SPAG16: variants seen among roughly 807,000 people sequenced by gnomAD.
The protein encoded by SPAG16 is sperm-associated antigen 16 protein.
Under a neutral mutation model 80.4 loss-of-function variants are expected in SPAG16, and 86 were observed. The ratio of observed to expected loss-of-function variants is 1.07; its 90% confidence interval spans 0.90 to 1.28. SPAG16 has a LOEUF of 1.28. Among genes scored for constraint, SPAG16 ranks in the 50% most tolerant of loss-of-function variants. The pLI is 0.00. For missense variants in SPAG16, 870 were observed against 765.3 expected, an observed-to-expected ratio of 1.14 and a Z score of -1.61; for synonymous variants, 294 against 265.9, an observed-to-expected ratio of 1.11 and a Z score of -1.03.
intron 15 of SPAG16, among the ~76,000 whole-genome samples, chr2:214,177,946 T>TATATATA (rs2057163844): frequency 9.0e-6 from 1 of 110,970 alleles, no homozygotes; most frequent in African/African-American, 3.6e-5. Context: ...GCCAGAATTG[T>TATATATA]TATATCTAAC....
intron 11 of SPAG16, among the ~76,000 whole-genome samples, chr2:213,920,676 C>G (rs1559589452): frequency 6.6e-6 from 1 of 152,184 alleles, no homozygotes; most frequent in Non-Finnish European, 1.5e-5. Context: ...AAGAGGCCAG[C>G]AGACCAAGGG....
At chr2:213,359,731 G>C (rs1006134132) in intron 7 of SPAG16, among the ~76,000 whole-genome samples, 2 of 152,222 alleles carry the variant, frequency 1.3e-5, no homozygotes, top group East Asian at 1.9e-4. Context: ...TTGCACTCCT[G>C]GGTGAGGCAA....
intron 15 of SPAG16, among the ~76,000 whole-genome samples, chr2:214,402,843 G>A (rs1427649847): frequency 2.0e-5 from 3 of 151,800 alleles, no homozygotes; most frequent in Non-Finnish European, 2.9e-5. Context: ...CCACTAGGGC[G>A]ACCATGAATA....
At chr2:214,049,664 T>C (rs570364124) in intron 13 of SPAG16, among the ~76,000 whole-genome samples, 12 of 152,326 alleles carry the variant, frequency 7.9e-5, no homozygotes, top group African/African-American at 2.9e-4. Context: ...GTGCATTCAG[T>C]GGGCTCCATG....
At chr2:214,214,611 A>G (rs2058381809) in intron 15 of SPAG16, among the ~76,000 whole-genome samples, 3 of 152,016 alleles carry the variant, frequency 2.0e-5, no homozygotes, top group Non-Finnish European at 4.4e-5. Flanking sequence ...CCCATCTCCA[A>G]ATGATGTACT....
rs114988946 is a variant in SPAG16, at chr2:213,743,330, T to C, written c.1071-119155T>C. 5.7e-3 allele frequency among the ~76,000 whole-genome samples: 874 copies of C among 152,314 alleles called. 9 individuals are homozygous for C. Among genetic ancestry groups the C allele is most frequent in the African/African-American group, 0.019 (785 of 41,572 alleles). The stretch of plus-strand genomic sequence containing the variant: ...TGCTTAGAACAATGCCTGGCCCCTA[T>C]AGGAAGCACCAATTATATATTTATT... On this transcript the variant is annotated intron_variant, in intron 10 of 15. Coordinates refer to ENST00000331683, the MANE Select transcript of SPAG16 (RefSeq NM_024532.5).
intron 9 of SPAG16, among the ~76,000 whole-genome samples, chr2:213,402,058 A>G (rs143483337): frequency 1.3e-3 from 196 of 152,206 alleles, no homozygotes; most frequent in Middle Eastern, 0.01. Context: ...TATAAAGACA[A>G]TGCTTATTTC....
chr2:213,980,646 T>C (rs2045680366), intron 12 of SPAG16, among the ~76,000 whole-genome samples: 1 of 144,818 alleles, frequency 6.9e-6, no homozygotes, highest in Non-Finnish European at 1.5e-5. Context: ...TGTATATATA[T>C]AGAATATATG....
At chr2:213,427,306 A>G (rs988748044) in intron 9 of SPAG16, among the ~76,000 whole-genome samples, 2 of 152,204 alleles carry the variant, frequency 1.3e-5, no homozygotes, top group African/African-American at 4.8e-5. Context: ...TTGCATTAGT[A>G]TACCCAAAAC....
intron 15 of SPAG16, among the ~76,000 whole-genome samples, chr2:214,357,130 T>C: frequency 6.6e-6 from 1 of 151,908 alleles, no homozygotes; most frequent in Middle Eastern, 3.2e-3. Flanking sequence ...CCTTGAATGG[T>C]CCCTGTCATT....
intron 9 of SPAG16, among the ~76,000 whole-genome samples, chr2:213,460,695 G>GACT (rs2072310170): frequency 6.6e-6 from 1 of 152,094 alleles, no homozygotes; most frequent in African/African-American, 2.4e-5. Flanking sequence ...ACTTAAATCA[G>GACT]ACTCTTTGAA....
At chr2:213,460,309 G>T (rs1259746431) in intron 9 of SPAG16, among the ~76,000 whole-genome samples, 2 of 152,074 alleles carry the variant, frequency 1.3e-5, no homozygotes, top group African/African-American at 4.8e-5. Flanking sequence ...CATTCTCTGT[G>T]TGCAACACTG....
intron 8 of SPAG16, among the ~76,000 whole-genome samples, chr2:213,369,274 T>C (rs1394920302): frequency 6.6e-6 from 1 of 152,188 alleles, no homozygotes; most frequent in Non-Finnish European, 1.5e-5. Context: ...TCTACCACAA[T>C]TGAATACAGA....
At chr2:214,234,393 G>A (rs1396862125) in intron 15 of SPAG16, among the ~76,000 whole-genome samples, 1 of 152,020 alleles carries the variant, frequency 6.6e-6, no homozygotes, top group Non-Finnish European at 1.5e-5. Context: ...TATTCATTTG[G>A]GTGTATACCC....
At chr2:214,103,068 G>A (rs573774541) in intron 13 of SPAG16, among the ~76,000 whole-genome samples, 3 of 152,196 alleles carry the variant, frequency 2.0e-5, no homozygotes, top group Admixed American at 2.0e-4. Context: ...GTATATGCAT[G>A]CCCATCTGAG....
In SPAG16 at chr2:213,560,708, G is replaced by A. The variant is rs138286481; in HGVS notation, c.1070+70618G>A. The stretch of plus-strand genomic sequence containing the variant: ...ATTGTTTCTCCACAATGTGAGTTAA[G>A]AATTACTTTTCTTTCCTTGTTCCAC... On this transcript the variant is annotated intron_variant, in intron 10 of 15. Coordinates refer to ENST00000331683, the MANE Select transcript of SPAG16 (RefSeq NM_024532.5). Among the ~76,000 whole-genome samples, 156 of 152,242 alleles carry A rather than the reference G, an allele frequency of 1.0e-3. 1 individual carries two copies. The highest frequency in any genetic ancestry group is 2.7e-3 in the South Asian group (13 of 4,830).
intron 9 of SPAG16, among the ~76,000 whole-genome samples, chr2:213,441,835 G>T (rs1477472503): frequency 6.6e-6 from 1 of 152,260 alleles, no homozygotes; most frequent in East Asian, 1.9e-4. Flanking sequence ...TATTCCAGCA[G>T]TGAACAAGTG....
At position 214,227,774 on chromosome 2, in the gene SPAG16, T is replaced by G. The variant is rs115767716; in HGVS notation, c.1720+78508T>G. Among the ~76,000 whole-genome samples, 754 of 151,558 alleles carry G rather than the reference T, an allele frequency of 5.0e-3. 6 individuals carry two copies. Among genetic ancestry groups the G allele is most frequent in the African/African-American group, 0.017 (713 of 41,426 alleles). ...TATCTAAAACTTTAATTTTCCTATCTTATTATTTTCTTCCCCTTAGACAAA... is the reference window on the plus strand; with the variant it reads ...TATCTAAAACTTTAATTTTCCTATCGTATTATTTTCTTCCCCTTAGACAAA... On this transcript the variant is annotated intron_variant, in intron 15 of 15. Transcript: ENST00000331683.
At chr2:213,609,630 A>G (rs770872410) in intron 10 of SPAG16, among the ~76,000 whole-genome samples, 1 of 152,090 alleles carries the variant, frequency 6.6e-6, no homozygotes, top group Non-Finnish European at 1.5e-5. Context: ...ATTGCTTTCT[A>G]TTATATAGGA....
Sources: allele counts gnomAD v4.1 joint callset (sites outside exome capture counted in the v4.1 genomes callset), GRCh38; gene constraint gnomAD v4.1.1; transcripts MANE v1.5; gene names NCBI Gene and HGNC (gene_info 2026-07-23, HGNC 2026-07-21).